FAM120A: variants seen among roughly 807,000 people sequenced by gnomAD.
FAM120A encodes the protein constitutive coactivator of PPAR-gamma-like protein 1.
Under a neutral mutation model 109.7 loss-of-function variants are expected in FAM120A, and 15 were observed. The observed-to-expected ratio is 0.14, with a 90% CI of 0.09 to 0.21. FAM120A has a LOEUF of 0.21. Ranked by LOEUF, FAM120A falls within the 10% of genes least tolerant of loss-of-function variation. FAM120A has a pLI of 1.00. For missense variants in FAM120A, 899 were observed against 1,439.3 expected (o/e 0.62, Z 6.07); for synonymous variants, 493 against 572.8 (o/e 0.86, Z 1.99).
At chr9:93,549,303 G>A (rs1196500288) in intron 11 of FAM120A, among the ~76,000 whole-genome samples, 5 of 152,132 alleles carry the variant, frequency 3.3e-5, no homozygotes, top group Non-Finnish European at 5.9e-5. Flanking sequence ...TGACCATGAC[G>A]TATATAAGCT....
intron 1 of FAM120A, among the ~76,000 whole-genome samples, chr9:93,453,834 G>A (rs1331588): frequency 0.11 from 16,454 of 152,220 alleles, 1,842 homozygotes; most frequent in African/African-American, 0.28. Flanking sequence ...GAGCGTAAAA[G>A]TGTTCATAGT....
Position 93,457,348 on chromosome 9 carries a change from AT to A in FAM120A, c.474+4963del, listed in dbSNP as rs574608925. ...TCCACAGTGGCTGTGTAGGCCATATATTTTATGTCATAAGTTATATAATATA... is the reference window on the plus strand; with the variant it reads ...TCCACAGTGGCTGTGTAGGCCATATATTTATGTCATAAGTTATATAATATA... On this transcript the variant is annotated intron_variant, in intron 1 of 17. Transcript: ENST00000277165. 5.9e-5 allele frequency among the ~76,000 whole-genome samples: 9 copies of A among 151,792 alleles called. No individual in the cohort carries two copies. In the South Asian group the frequency reaches 1.7e-3, roughly 28 times the overall value.
intron 5 of FAM120A, among the ~76,000 whole-genome samples, chr9:93,515,381 C>T (rs1317288081): frequency 1.3e-5 from 2 of 152,170 alleles, no homozygotes; most frequent in Non-Finnish European, 2.9e-5. Flanking sequence ...ACAGCCGAGG[C>T]CCTCAGGAAG....
At position 93,550,654 on chromosome 9, in the gene FAM120A, C is replaced by T. The variant is rs143135666; in HGVS notation, c.2237C>T (p.Pro746Leu). 1 of 1,613,938 alleles carries T rather than the reference C, an allele frequency of 6.2e-7. No individual in the cohort carries two copies. Among genetic ancestry groups the T allele is most frequent in the Admixed American group, 1.7e-5 (1 of 60,030 alleles). ...GCCTTCCTGGCTCAGGCGCTGTCCC[C>T]CAAACTCTACGAGCCTGATCAGCTC... is the stretch of plus-strand genomic sequence containing the variant. ...LDAFLAQALS[P>L]KLYEPDQLQE... Residue 746 changes from proline (P) to leucine (L), a missense_variant, in exon 12 of 18, where the codon CCC (proline) becomes CTC (leucine). This residue lies in a region of FAM120A where 52 missense variants were observed against 49.7 expected (regional missense o/e 1.05). Transcript: ENST00000277165.
chr9:93,559,441 C>G (rs1862400344), intron 15 of FAM120A, among the ~76,000 whole-genome samples: 1 of 152,234 alleles, frequency 6.6e-6, no homozygotes, highest in African/African-American at 2.4e-5. Context: ...GCCTTTCTCT[C>G]TTGATCAACA....
At position 93,492,164 on chromosome 9, in the gene FAM120A, TTG is replaced by T. The variant is rs543047932; in HGVS notation, c.805-5291_805-5290del. On this transcript the variant is annotated intron_variant, in intron 3 of 17. Coordinates refer to ENST00000277165, the MANE Select transcript of FAM120A (RefSeq NM_014612.5). Reference sequence around the variant, plus strand: ...CCTTTGTGTGTGGTGTTTATACAGGTTGTGTGTGTGTGTGTGTATATATATAT... The same window carrying T: ...CCTTTGTGTGTGGTGTTTATACAGGTTGTGTGTGTGTGTGTATATATATAT... Among the ~76,000 whole-genome samples, 211 of 151,012 alleles carry T rather than the reference TTG, an allele frequency of 1.4e-3. 1 individual carries two copies. The highest frequency in any genetic ancestry group is 4.3e-3 in the African/African-American group (177 of 40,996).
intron 1 of FAM120A, among the ~76,000 whole-genome samples, chr9:93,458,296 G>A (rs532500421): frequency 5.3e-5 from 8 of 151,622 alleles, no homozygotes; most frequent in Middle Eastern, 6.8e-3. Context: ...ACTCCTTGCC[G>A]CTCCCACCGT....
At chr9:93,534,000 A>G (rs537212438) in intron 10 of FAM120A, among the ~76,000 whole-genome samples, 2 of 151,958 alleles carry the variant, frequency 1.3e-5, no homozygotes, top group South Asian at 2.1e-4. Context: ...ACAGTCCCCT[A>G]CCCCTCCAGT....
At chr9:93,529,287 C>G in intron 8 of FAM120A, 66 bp from the exon 9 acceptor site, 1 of 1,405,806 alleles carries the variant, frequency 7.1e-7, no homozygotes, top group Non-Finnish European at 9.6e-7. Context: ...AGGCACCTAC[C>G]ATACTTTAAA....
intron 7 of FAM120A, among the ~76,000 whole-genome samples, chr9:93,525,265 T>G (rs1432596031): frequency 1.3e-5 from 2 of 152,074 alleles, no homozygotes; most frequent in Admixed American, 1.3e-4. Context: ...TGATCTCAGG[T>G]GGCGCTGGCA....
intron 3 of FAM120A, among the ~76,000 whole-genome samples, chr9:93,484,485 A>G (rs943513435): frequency 6.6e-6 from 1 of 152,206 alleles, no homozygotes; most frequent in Non-Finnish European, 1.5e-5. Flanking sequence ...CCGTGTTGGT[A>G]GTGCTGGCAC....
chr9:93,458,349 G>T (rs1402272548), intron 1 of FAM120A, among the ~76,000 whole-genome samples: 1 of 151,904 alleles, frequency 6.6e-6, no homozygotes, highest in Non-Finnish European at 1.5e-5. Flanking sequence ...TTCCCATTCT[G>T]TTGGCTTCCT....
intron 7 of FAM120A, among the ~76,000 whole-genome samples, chr9:93,526,313 T>C (rs1861079914): frequency 6.6e-6 from 1 of 152,344 alleles, no homozygotes; most frequent in Middle Eastern, 3.4e-3. Flanking sequence ...TAAACCCATA[T>C]ACTACAAGTG....
At chr9:93,543,079 T>G in intron 10 of FAM120A, 143 bp from the exon 11 acceptor site, 9 of 971,504 alleles carry the variant, frequency 9.3e-6, no homozygotes, top group South Asian at 1.6e-5. Flanking sequence ...GACTTGATGA[T>G]TGGTAGTTTT....
intron 5 of FAM120A, among the ~76,000 whole-genome samples, chr9:93,503,021 T>C (rs1314014850): frequency 6.6e-6 from 1 of 152,228 alleles, no homozygotes; most frequent in East Asian, 1.9e-4. Flanking sequence ...ACTGTGTCAT[T>C]GGCCTTCCTT....
In FAM120A at chr9:93,485,076, G is replaced by A. The variant is rs988869477; in HGVS notation, c.804+8738G>A. 5.3e-5 allele frequency among the ~76,000 whole-genome samples: 8 copies of A among 152,140 alleles called. No homozygotes were observed. In the East Asian group the frequency reaches 1.2e-3, roughly 22 times the overall value. On this transcript the variant is annotated intron_variant, in intron 3 of 17. Transcript: ENST00000277165. ...CTTCCTCTGAATGCCATGGTGACACGTGTGAATTAGTGCCATGTCCTAGTC... is the reference window on the plus strand; with the variant it reads ...CTTCCTCTGAATGCCATGGTGACACATGTGAATTAGTGCCATGTCCTAGTC...
chr9:93,457,089 A>G (rs528031561), intron 1 of FAM120A, among the ~76,000 whole-genome samples: 38 of 152,358 alleles, frequency 2.5e-4, no homozygotes, highest in Admixed American at 2.4e-3. Context: ...AAGGCTAAGT[A>G]ATACTCCACT....
At chr9:93,546,868 C>G (rs1861911165) in intron 11 of FAM120A, among the ~76,000 whole-genome samples, 1 of 152,180 alleles carries the variant, frequency 6.6e-6, no homozygotes, top group African/African-American at 2.4e-5. Flanking sequence ...CCATTAGAGT[C>G]AGGTGATGCA....
At chr9:93,502,372 A>G (rs1193888458) in intron 5 of FAM120A, among the ~76,000 whole-genome samples, 1 of 152,126 alleles carries the variant, frequency 6.6e-6, no homozygotes, top group East Asian at 1.9e-4. Flanking sequence ...TAGCATCTTA[A>G]TTGGGCCTTA....
Sources: allele counts gnomAD v4.1 joint callset (sites outside exome capture counted in the v4.1 genomes callset), GRCh38; gene constraint gnomAD v4.1.1; regional missense constraint gnomAD v4.1.1; transcripts MANE v1.5; gene names NCBI Gene and HGNC (gene_info 2026-07-23, HGNC 2026-07-21).